The following ITGA5 variants were observed in gnomAD, a reference collection of about 807,000 sequenced individuals.
The protein encoded by ITGA5 is integrin alpha-5.
Under a neutral mutation model 146.3 loss-of-function variants are expected in ITGA5, and 55 were observed. That is an observed-to-expected ratio of 0.38 (90% CI 0.30 to 0.47). The LOEUF (loss-of-function observed/expected upper bound fraction) is 0.47, where lower values mean the gene tolerates loss of function less well. Ranked by LOEUF, ITGA5 falls within the 20% of genes least tolerant of loss-of-function variation. The probability of loss-of-function intolerance (pLI) is 0.99; values close to 1 mark genes in which losing one functional copy is unlikely to be tolerated. For missense variants in ITGA5, 1,131 were observed against 1,329.0 expected, an observed-to-expected ratio of 0.85 and a Z score of 2.32; for synonymous variants, 500 against 531.8, an observed-to-expected ratio of 0.94 and a Z score of 0.82.
intron 28 of ITGA5, among the ~76,000 whole-genome samples, chr12:54,398,161 G>C (rs1327953835): frequency 2.6e-5 from 4 of 152,142 alleles, no homozygotes; most frequent in Non-Finnish European, 4.4e-5. Flanking sequence ...GCCTTCCAAA[G>C]TGCTGGGATT....
At chr12:54,406,881 G>A (rs564986256) in intron 9 of ITGA5, among the ~76,000 whole-genome samples, 9 of 152,228 alleles carry the variant, frequency 5.9e-5, no homozygotes, top group African/African-American at 2.2e-4. Flanking sequence ...CCCCTAAACT[G>A]CTATGCCACT....
intron 15 of ITGA5, 54 bp from the exon 16 acceptor site, chr12:54,404,020 T>C: frequency 6.3e-7 from 1 of 1,598,254 alleles, no homozygotes; most frequent in Non-Finnish European, 8.6e-7. Context: ...AGACATCCTA[T>C]CCTCTACCTA....
chr12:54,415,632 C>T (rs1955997733), intron 1 of ITGA5, among the ~76,000 whole-genome samples: 1 of 152,190 alleles, frequency 6.6e-6, no homozygotes, highest in Admixed American at 6.5e-5. Context: ...TCTGCTATCT[C>T]CCCAGCTTTT....
intron 7 of ITGA5, 113 bp from the exon 8 acceptor site, chr12:54,407,989 A>C: frequency 6.6e-7 from 1 of 1,521,044 alleles, no homozygotes; most frequent in South Asian, 1.2e-5. Flanking sequence ...CAGCAGGCAC[A>C]TGACAAGTAT....
At chr12:54,398,339 T>C (rs1955739950) in intron 28 of ITGA5, among the ~76,000 whole-genome samples, 2 of 152,174 alleles carry the variant, frequency 1.3e-5, no homozygotes, top group African/African-American at 4.8e-5. Context: ...TGGGTTCAGG[T>C]GTTCCTATTA....
Position 54,403,540 on chromosome 12 carries a change from C to T in ITGA5, c.1776+85G>A. 1 of 1,468,236 alleles carries T rather than the reference C, an allele frequency of 6.8e-7. No individual in the cohort carries two copies. The highest frequency in any genetic ancestry group is 2.0e-5 in the Admixed American group (1 of 49,402). The allele number at this position is 1,468,236 out of a possible 1,614,324, so 91.0% of individuals were successfully genotyped here. ...GTCCCAAGCCCTTCACTGGAGTCCCCCAGTCTTTTTCCCTTCAGGAGGTGC... is the reference window on the plus strand; with the variant it reads ...GTCCCAAGCCCTTCACTGGAGTCCCTCAGTCTTTTTCCCTTCAGGAGGTGC... On this transcript the variant is annotated intron_variant, in intron 17 of 29. Transcript: ENST00000293379. This position sits in a 1 kb window ranked among gnomAD's most constrained non-coding sequence, Gnocchi z 4.9.
chr12:54,403,673 G>C lies in ITGA5; in HGVS notation c.1728C>G (p.Ile576Met), dbSNP rs1432992844. The change falls in exon 17 of 30, where the codon ATC becomes ATG. Residue 576 changes from isoleucine to methionine, a missense_variant. By Grantham distance (10) the Ile-to-Met change is conservative. Coordinates refer to ENST00000293379, the MANE Select transcript of ITGA5 (RefSeq NM_002205.5). The surrounding 1 kb of genome is among the most constrained non-coding windows in gnomAD (Gnocchi z 4.9). ...TGCAATCCTCTCGAGCCCCATTCTGGATGAGCAGGGTCTGGGTCAGGGTTG... is the reference window on the plus strand; with the variant it reads ...TGCAATCCTCTCGAGCCCCATTCTGCATGAGCAGGGTCTGGGTCAGGGTTG... ...RQATLTQTLL[I>M]QNGAREDCRE... The C allele has an allele frequency of 1.2e-6, 2 of 1,614,164 alleles. No homozygotes were observed. Among genetic ancestry groups the C allele is most frequent in the Admixed American group, 1.7e-5 (1 of 60,026 alleles).
chr12:54,411,979 A>G lies in ITGA5; in HGVS notation c.219-15T>C, dbSNP rs1381320953. 6.4e-7 allele frequency: 1 copy of G among 1,561,858 alleles called. No individual in the cohort carries two copies. The highest frequency in any genetic ancestry group is 8.7e-7 in the Non-Finnish European group (1 of 1,155,262). The stretch of plus-strand genomic sequence containing the variant: ...GCACACTGACCCTGTGGGGGGGAAA[A>G]GCGAGGCAGTTGAGGATGGCTCCTA... On this transcript the variant is annotated splice_polypyrimidine_tract_variant and intron_variant, in intron 1 of 29. Transcript: ENST00000293379.
chr12:54,398,190 G>A (rs906168744), intron 28 of ITGA5, among the ~76,000 whole-genome samples: 3 of 152,126 alleles, frequency 2.0e-5, no homozygotes, highest in African/African-American at 4.8e-5. Flanking sequence ...GAGCCACTGC[G>A]CTCAGCCTCA....
Position 54,409,583 on chromosome 12 carries a change from C to T in ITGA5, c.364G>A (p.Glu122Lys). Residue 122 changes from glutamate to lysine, a missense_variant, in exon 3 of 30, where the codon GAG (glutamate) becomes AAG (lysine). This residue lies in a region of ITGA5 where 175 missense variants were observed against 179.3 expected (regional missense o/e 0.98). Transcript: ENST00000293379. The surrounding 1 kb of genome is among the most constrained non-coding windows in gnomAD (Gnocchi z 4.7). ...CCCTCTGAGCTGGACAGTGAGGACT[C>T]CAGGAGCCGAGAGCCTTGTGGAAGT... ...EFDSKGSRLL[E>K]SSLSSSEGEE... is the part of the protein sequence containing the mutation. The T allele has an allele frequency of 6.2e-7, 1 of 1,612,422 alleles. No individual in the cohort carries two copies. The highest frequency in any genetic ancestry group is 8.5e-7 in the Non-Finnish European group (1 of 1,179,324).
chr12:54,406,048 A>G (rs1955862602), intron 9 of ITGA5, 122 bp from the exon 10 acceptor site: 1 of 830,028 alleles, frequency 1.2e-6, no homozygotes, highest in African/African-American at 1.7e-5. Context: ...CACTGTCCCT[A>G]GCTCCCTCTT....
chr12:54,419,230 G>C lies in ITGA5; in HGVS notation c.-32C>G. On this transcript the variant is annotated 5_prime_UTR_variant, in exon 1 of 30. Coordinates refer to ENST00000293379, the MANE Select transcript of ITGA5 (RefSeq NM_002205.5). ...CGCTCTTCCCTGTCCTGGGGCCACCGACCCGGAGCCGCTTCCTAAACCTCC... is the reference window on the plus strand; with the variant it reads ...CGCTCTTCCCTGTCCTGGGGCCACCCACCCGGAGCCGCTTCCTAAACCTCC... The C allele has an allele frequency of 6.5e-7, 1 of 1,547,286 alleles. No homozygotes were observed.
intron 1 of ITGA5, among the ~76,000 whole-genome samples, chr12:54,412,874 A>G (rs972646520): frequency 5.9e-5 from 9 of 152,084 alleles, no homozygotes; most frequent in African/African-American, 2.2e-4. Flanking sequence ...GTCTCCTGCC[A>G]GGACTTGTAT....
chr12:54,397,420 A>C lies in ITGA5; in HGVS notation c.3011T>G (p.Leu1004Arg). The C allele has an allele frequency of 6.2e-7, 1 of 1,614,170 alleles. No individual in the cohort carries two copies. Among genetic ancestry groups the C allele is most frequent in the Non-Finnish European group, 8.5e-7 (1 of 1,179,996 alleles). Residue 1004 changes from leucine to arginine, a missense_variant, in exon 29 of 30, where the codon CTA becomes CGA. By Grantham distance (102) the Leu-to-Arg change is moderately radical. Coordinates refer to ENST00000293379, the MANE Select transcript of ITGA5 (RefSeq NM_002205.5). ...GAGCAGGAGGCCAAACAGGATGGCT[A>C]GGATGATGATCCACAGTGGGACGCC... is the stretch of plus-strand genomic sequence containing the variant. The part of the protein sequence containing the change: ...SYGVPLWIII[L>R]AILFGLLLLG...
In ITGA5 at chr12:54,405,280, G is replaced by C. The variant is rs1955849133; in HGVS notation, c.1111C>G (p.His371Asp). 1 of 1,613,898 alleles carries C rather than the reference G, an allele frequency of 6.2e-7. No individual in the cohort carries two copies. The highest frequency in any genetic ancestry group is 2.2e-5 in the East Asian group (1 of 44,874). ...EVGRVYVYLQ[H>D]PAGIEPTPTL... ...GGCGTGGGCTCTATGCCGGCTGGGT[G>C]CTGCAGGTAGACGTAGACCCTGCCC... Residue 371 changes from histidine (H) to aspartate (D), a missense_variant, in exon 12 of 30, where the codon CAC becomes GAC. His to Asp is a moderately conservative substitution (Grantham distance 81). Coordinates refer to ENST00000293379, the MANE Select transcript of ITGA5 (RefSeq NM_002205.5).
chr12:54,404,102 C>A, intron 15 of ITGA5, 43 bp downstream of exon 15: 4 of 1,568,942 alleles, frequency 2.5e-6, no homozygotes, highest in Non-Finnish European at 3.5e-6. Context: ...CCCCTGCCCA[C>A]TCCCAGGCTC....
At chr12:54,405,957 C>G (rs748768453) in intron 9 of ITGA5, 31 bp from the exon 10 acceptor site, 2 of 1,591,294 alleles carry the variant, frequency 1.3e-6, no homozygotes, top group South Asian at 2.2e-5. Flanking sequence ...CCCATTGGTC[C>G]TGGACTCCCA....
At chr12:54,408,679 C>T (rs1955899643) in intron 6 of ITGA5, 77 bp downstream of exon 6, 2 of 1,376,556 alleles carry the variant, frequency 1.5e-6, no homozygotes, top group African/African-American at 1.6e-5. Flanking sequence ...CACTGCACTC[C>T]AGCCTGGGTG....
Position 54,405,699 on chromosome 12 carries a change from G to A in ITGA5, c.981C>T (p.Gly327=). Residue 327 remains glycine, a synonymous_variant, in exon 11 of 30, where the codon GGC becomes GGT. Transcript: ENST00000293379. Reference sequence around the variant, plus strand: ...TGACGTCTGTGGCGGCCACTGCATAGCCAAAGTAGGAGGCCATCTGGGGAG... The same window carrying A: ...TGACGTCTGTGGCGGCCACTGCATAACCAAAGTAGGAGGCCATCTGGGGAG... ...FSGEQMASYF[G]YAVAATDVNG... is the part of the protein sequence containing the mutation. 6.2e-7 allele frequency: 1 copy of A among 1,614,052 alleles called. No homozygotes were observed.
Sources: allele counts gnomAD v4.1 joint callset (sites outside exome capture counted in the v4.1 genomes callset), GRCh38; gene constraint gnomAD v4.1.1; regional missense constraint gnomAD v4.1.1; non-coding constraint Gnocchi (gnomAD v3.1); transcripts MANE v1.5; gene names NCBI Gene and HGNC (gene_info 2026-07-23, HGNC 2026-07-21).